MRPS9: variants seen among roughly 807,000 people sequenced by gnomAD.
The protein encoded by MRPS9 is mitochondrial ribosomal protein S9.
In MRPS9, 45 loss-of-function variants were observed where a neutral mutation model predicts 59.9. The observed-to-expected ratio is 0.75, with a 90% CI of 0.59 to 0.96. MRPS9 has a LOEUF of 0.96. MRPS9 is among the 40% of genes least tolerant of loss of function. The pLI, the probability that MRPS9 is intolerant of heterozygous loss-of-function variation, is 0.00. For synonymous variants in MRPS9, 171 were observed against 166.8 expected (o/e 1.03, Z -0.19); for missense variants, 473 against 481.1 (o/e 0.98, Z 0.16).
chr2:105,073,395 A>G (rs995988816), intron 4 of MRPS9, among the ~76,000 whole-genome samples: 1 of 152,176 alleles, frequency 6.6e-6, no homozygotes, highest in African/African-American at 2.4e-5. Flanking sequence ...GTAGTTTACT[A>G]TATGTAACTG....
chr2:105,097,865 A>G (rs1164889805), intron 10 of MRPS9, among the ~76,000 whole-genome samples: 3 of 152,002 alleles, frequency 2.0e-5, no homozygotes, highest in Non-Finnish European at 4.4e-5. Flanking sequence ...AAACCTGGAT[A>G]ATTTTTGTAT....
At chr2:105,090,985 A>G (rs116467646) in intron 7 of MRPS9, among the ~76,000 whole-genome samples, 2,076 of 152,262 alleles carry the variant, frequency 0.014, 50 homozygotes, top group African/African-American at 0.048. Context: ...CTAACTGCCA[A>G]GTACTGCTCT....
rs1680753862 is a variant in MRPS9 at position 105,099,856 on chromosome 2, T to A, written c.*95T>A. 3 of 991,982 alleles carry A rather than the reference T, an allele frequency of 3.0e-6. No homozygotes were observed. Among genetic ancestry groups the A allele is most frequent in the South Asian group, 3.7e-5 (2 of 53,648 alleles). The allele number at this position is 991,982 out of a possible 1,614,324, so 61.4% of individuals were successfully genotyped here. ...TAATGGCTGACCAGCATGAGGGCAGTACTGTCAGAAATTTCTTTGAGCTGT... is the reference window on the plus strand; with the variant it reads ...TAATGGCTGACCAGCATGAGGGCAGAACTGTCAGAAATTTCTTTGAGCTGT... On this transcript the variant is annotated 3_prime_UTR_variant, in exon 11 of 11. Coordinates refer to ENST00000258455, the MANE Select transcript of MRPS9 (RefSeq NM_182640.3).
At chr2:105,041,252 T>G (rs573081985) in intron 1 of MRPS9, among the ~76,000 whole-genome samples, 1 of 152,294 alleles carries the variant, frequency 6.6e-6, no homozygotes, top group South Asian at 2.1e-4. Context: ...GCTAATTTGG[T>G]TTTCTATAAT....
intron 2 of MRPS9, among the ~76,000 whole-genome samples, chr2:105,066,716 T>G (rs986094826): frequency 6.6e-6 from 1 of 152,114 alleles, no homozygotes; most frequent in African/African-American, 2.4e-5. Context: ...CCACGCCATC[T>G]AGTATTCTGA....
At chr2:105,063,045 A>C (rs1263946819) in intron 2 of MRPS9, among the ~76,000 whole-genome samples, 4 of 152,264 alleles carry the variant, frequency 2.6e-5, no homozygotes, top group Non-Finnish European at 5.9e-5. Flanking sequence ...AAAACAGTTC[A>C]AAAATACTAC....
At chr2:105,056,188 ATCT>A (rs752965235) in intron 2 of MRPS9, among the ~76,000 whole-genome samples, 1 of 129,854 alleles carries the variant, frequency 7.7e-6, no homozygotes, top group Non-Finnish European at 1.7e-5. Context: ...TGGGATAGGT[ATCT>A]TTTTTTTTTT....
intron 4 of MRPS9, 72 bp from the exon 5 acceptor site, chr2:105,079,911 T>C (rs1362600521): frequency 2.1e-6 from 2 of 952,190 alleles, no homozygotes; most frequent in Non-Finnish European, 3.2e-6. Context: ...CTCATAACTG[T>C]GGTTAAATGC....
In MRPS9 at chr2:105,053,139, G is replaced by A. The variant is rs1314090143; in HGVS notation, c.315+3789G>A. ...AAAAGCAGAATCATTCAACAATTTT[G>A]TAATTTTATCTGAAGGTATAAGTAT... On this transcript the variant is annotated intron_variant, in intron 2 of 10. Transcript: ENST00000258455. Among the ~76,000 whole-genome samples the A allele has an allele frequency of 2.6e-5, 4 of 152,240 alleles. No homozygotes were observed. In the South Asian group the frequency reaches 8.3e-4, roughly 32 times the overall value.
At chr2:105,046,252 T>C (rs1444926896) in intron 1 of MRPS9, among the ~76,000 whole-genome samples, 1 of 147,102 alleles carries the variant, frequency 6.8e-6, no homozygotes, top group East Asian at 2.1e-4. Flanking sequence ...TTCAGTCTGT[T>C]AAACCTACCG....
At chr2:105,064,100 T>TCC (rs1679953634) in intron 2 of MRPS9, among the ~76,000 whole-genome samples, 1 of 152,156 alleles carries the variant, frequency 6.6e-6, no homozygotes, top group Admixed American at 6.5e-5. Flanking sequence ...TTGGTCTCTC[T>TCC]CCCTACAGAA....
At chr2:105,086,220 G>A (rs1010627930) in intron 5 of MRPS9, among the ~76,000 whole-genome samples, 1 of 152,118 alleles carries the variant, frequency 6.6e-6, no homozygotes, top group Admixed American at 6.5e-5. Context: ...GTATGGAGTG[G>A]CTTAATGGGC....
intron 1 of MRPS9, 93 bp downstream of exon 1, chr2:105,038,320 C>A: frequency 1.3e-6 from 2 of 1,486,654 alleles, no homozygotes; most frequent in Non-Finnish European, 1.8e-6. Flanking sequence ...CGCGTGCCTT[C>A]AGGCAGGGAC....
intron 10 of MRPS9, among the ~76,000 whole-genome samples, chr2:105,098,911 A>G (rs1680730327): frequency 6.6e-6 from 1 of 152,218 alleles, no homozygotes; most frequent in Non-Finnish European, 1.5e-5. Context: ...CTAACTTACT[A>G]TAGCTCCAGC....
chr2:105,043,798 C>A (rs1679543532), intron 1 of MRPS9, among the ~76,000 whole-genome samples: 1 of 151,118 alleles, frequency 6.6e-6, no homozygotes, highest in Non-Finnish European at 1.5e-5. Flanking sequence ...CCACACCCAG[C>A]TGATTTTTAT....
chr2:105,074,006 C>T (rs759281703), intron 4 of MRPS9, among the ~76,000 whole-genome samples: 8 of 152,070 alleles, frequency 5.3e-5, no homozygotes, highest in African/African-American at 9.7e-5. Flanking sequence ...GAAAACCTAA[C>T]GAATTCCAAG....
intron 5 of MRPS9, among the ~76,000 whole-genome samples, chr2:105,087,749 A>C (rs1680476269): frequency 6.6e-6 from 1 of 152,032 alleles, no homozygotes; most frequent in South Asian, 2.1e-4. Flanking sequence ...TGTTACAAAA[A>C]TTCAAAGGCT....
chr2:105,088,140 T>C (rs75428547), intron 5 of MRPS9, among the ~76,000 whole-genome samples: 1 of 151,696 alleles, frequency 6.6e-6, no homozygotes, highest in African/African-American at 2.4e-5. Context: ...ATTTATGTCA[T>C]CTCTGGCTCA....
At chr2:105,086,944 T>C (rs927405439) in intron 5 of MRPS9, among the ~76,000 whole-genome samples, 5 of 152,134 alleles carry the variant, frequency 3.3e-5, no homozygotes, top group African/African-American at 1.2e-4. Context: ...GGGAGTTCTT[T>C]ATTCAGGTCA....
Sources: allele counts gnomAD v4.1 joint callset (sites outside exome capture counted in the v4.1 genomes callset), GRCh38; gene constraint gnomAD v4.1.1; transcripts MANE v1.5; gene names NCBI Gene and HGNC (gene_info 2026-07-23, HGNC 2026-07-21).